SMAD1: variants seen among roughly 807,000 people sequenced by gnomAD.
The protein encoded by SMAD1 is SMAD family member 1.
Under a neutral mutation model 41.6 loss-of-function variants are expected in SMAD1, and 6 were observed. The ratio of observed to expected loss-of-function variants is 0.14; its 90% CI spans 0.08 to 0.28. The LOEUF (loss-of-function observed/expected upper bound fraction) is 0.28. SMAD1 is among the 10% of genes least tolerant of loss of function. SMAD1 has a pLI of 1.00. For synonymous variants in SMAD1, 206 were observed against 203.2 expected (o/e 1.01, Z -0.12); for missense variants, 379 against 582.6 (o/e 0.65, Z 3.60).
intron 2 of SMAD1, 120 bp downstream of exon 2, chr4:145,515,133 ACTGT>A (rs1349949404): frequency 1.0e-4 from 75 of 729,264 alleles, no homozygotes; most frequent in Non-Finnish European, 1.4e-4. Context: ...ATTTGGGGAA[ACTGT>A]GTGTGTGTGT....
intron 4 of SMAD1, chr4:145,544,958 C>T (rs1732163437): frequency 6.6e-6 from 1 of 152,026 alleles, no homozygotes; most frequent in Non-Finnish European, 1.5e-5. Flanking sequence ...AGATTTTTTT[C>T]ATTTAAATAG....
chr4:145,553,190 C>T (rs1354270143), intron 5 of SMAD1, among the ~76,000 whole-genome samples: 3 of 151,422 alleles, frequency 2.0e-5, no homozygotes, highest in Admixed American at 6.6e-5. Flanking sequence ...AGATTACAGG[C>T]GTGAACAACT....
At chr4:145,486,017 C>G (rs1262147683) in intron 1 of SMAD1, among the ~76,000 whole-genome samples, 1 of 152,210 alleles carries the variant, frequency 6.6e-6, no homozygotes, top group Non-Finnish European at 1.5e-5. Flanking sequence ...GAAACTCCAT[C>G]TTAACTATGT....
Position 145,514,566 on chromosome 4 carries a change from G to T in SMAD1, c.-48G>T, listed in dbSNP as rs1730267968. ...CTTCTGCTGTCCTTTTGCATTTGGA[G>T]ACAGCTTTATTTCACCATATCCAAG... On this transcript the variant is annotated 5_prime_UTR_variant, in exon 2 of 7. Coordinates refer to ENST00000302085, the MANE Select transcript of SMAD1 (RefSeq NM_005900.3). This position sits in a 1 kb window ranked among gnomAD's most constrained non-coding sequence, Gnocchi z 4.7. The T allele has an allele frequency of 6.7e-7, 1 of 1,495,998 alleles. No individual in the cohort carries two copies. Among genetic ancestry groups the T allele is most frequent in the East Asian group, 2.3e-5 (1 of 44,020 alleles). 92.7% of individuals were successfully genotyped at this position (1,495,998 alleles called of 1,614,324 possible).
chr4:145,503,805 G>A (rs971526387), intron 1 of SMAD1: 3 of 152,154 alleles, frequency 2.0e-5, no homozygotes, highest in Admixed American at 6.5e-5. Context: ...TATCCCAAAG[G>A]TGTGCACGTT....
At chr4:145,485,272 C>T (rs1728426099) in intron 1 of SMAD1, among the ~76,000 whole-genome samples, 7 of 152,122 alleles carry the variant, frequency 4.6e-5, no homozygotes, top group Admixed American at 4.6e-4. Flanking sequence ...GACAGGGTTT[C>T]GTCATGTTGC....
Position 145,558,069 on chromosome 4 carries a change from G to C in SMAD1, c.*135G>C. On this transcript the variant is annotated 3_prime_UTR_variant, in exon 7 of 7. Coordinates refer to ENST00000302085, the MANE Select transcript of SMAD1 (RefSeq NM_005900.3). Reference sequence around the variant, plus strand: ...CCTCTGTGACCAACTGTTGGATTCAGAAATTTAAACAAAAAAAAAAAAAAA... The same window carrying C: ...CCTCTGTGACCAACTGTTGGATTCACAAATTTAAACAAAAAAAAAAAAAAA... The C allele has an allele frequency of 2.0e-5, 6 of 305,690 alleles. No homozygotes were observed. Among genetic ancestry groups the C allele is most frequent in the Non-Finnish European group, 2.3e-5 (4 of 176,276 alleles). 18.9% of individuals were successfully genotyped at this position (305,690 alleles called of 1,614,324 possible).
intron 1 of SMAD1, among the ~76,000 whole-genome samples, chr4:145,498,358 T>C (rs1412821107): frequency 1.3e-5 from 2 of 152,264 alleles, no homozygotes; most frequent in Non-Finnish European, 2.9e-5. Flanking sequence ...TTTACCAGAA[T>C]ACATTTCTCT....
At chr4:145,555,206 A>G (rs1221152313) in intron 6 of SMAD1, among the ~76,000 whole-genome samples, 1 of 152,226 alleles carries the variant, frequency 6.6e-6, no homozygotes, top group Non-Finnish European at 1.5e-5. Flanking sequence ...CCTATATGTT[A>G]TGTACATATG....
chr4:145,495,146 A>T (rs994536796), intron 1 of SMAD1, among the ~76,000 whole-genome samples: 1 of 152,142 alleles, frequency 6.6e-6, no homozygotes, highest in African/African-American at 2.4e-5. Flanking sequence ...AGGGTTGCAA[A>T]TAGCTTCTAG....
intron 4 of SMAD1, chr4:145,545,297 A>G (rs746294688): frequency 3.9e-5 from 6 of 152,252 alleles, no homozygotes; most frequent in Non-Finnish European, 8.8e-5. Flanking sequence ...GAAAAAATTC[A>G]TCAACCTCTG....
At chr4:145,508,312 C>A (rs977937021) in intron 1 of SMAD1, among the ~76,000 whole-genome samples, 1 of 151,652 alleles carries the variant, frequency 6.6e-6, no homozygotes, top group Non-Finnish European at 1.5e-5. Flanking sequence ...TTGGAACAAG[C>A]CATTTGGAAA....
rs1293092877 is a variant in SMAD1, at chr4:145,548,237, A to AT, written c.997+1322dup. 4.0e-4 allele frequency among the ~76,000 whole-genome samples: 60 copies of AT among 150,006 alleles called. No homozygotes were observed. In the East Asian group the frequency reaches 6.4e-3, roughly 16 times the overall value. Reference sequence around the variant, plus strand: ...TTATTTATTTATTTATTTATATTTTATTTTTTTTTGAGACGGAGTCTCCCT... The same window carrying AT: ...TTATTTATTTATTTATTTATATTTTATTTTTTTTTTGAGACGGAGTCTCCCT... On this transcript the variant is annotated intron_variant, in intron 5 of 6. Coordinates refer to ENST00000302085, the MANE Select transcript of SMAD1 (RefSeq NM_005900.3).
intron 2 of SMAD1, among the ~76,000 whole-genome samples, chr4:145,531,849 A>G (rs1333396280): frequency 6.6e-6 from 1 of 151,076 alleles, no homozygotes; most frequent in African/African-American, 2.4e-5. Flanking sequence ...TGTTACTTCT[A>G]TATGGGCAAA....
intron 4 of SMAD1, among the ~76,000 whole-genome samples, 191 bp downstream of exon 4, chr4:145,542,889 T>A (rs1447362370): frequency 6.6e-6 from 1 of 152,254 alleles, no homozygotes; most frequent in Non-Finnish European, 1.5e-5. Context: ...ATACACTGAC[T>A]TAACTAATGA....
chr4:145,545,103 G>T (rs893379126), intron 4 of SMAD1: 1 of 151,886 alleles, frequency 6.6e-6, no homozygotes, highest in Admixed American at 6.6e-5. Flanking sequence ...TAGAGCAGGG[G>T]TGAACAAACT....
At position 145,518,601 on chromosome 4, in the gene SMAD1, A is replaced by G. The variant is rs539315166; in HGVS notation, c.400+3588A>G. 1.6e-5 allele frequency among the ~76,000 whole-genome samples: 2 copies of G among 126,448 alleles called. 1 individual carries two copies. The highest frequency in any genetic ancestry group is 3.9e-5 in the Non-Finnish European group (2 of 51,318). The allele number at this position is 126,448 out of a possible 152,430, so 83.0% of individuals were successfully genotyped here. A position where few individuals can be genotyped will look rare whatever the true frequency, so the allele number is the denominator to read the frequency against. On this transcript the variant is annotated intron_variant, in intron 2 of 6. Transcript: ENST00000302085. The stretch of plus-strand genomic sequence containing the variant: ...CTGGGTATTGTTTTTGTGAAATCAG[A>G]AAAAGGGGGTCTGGAATTCTAAGCT...
intron 1 of SMAD1, among the ~76,000 whole-genome samples, chr4:145,501,433 T>C (rs1729429648): frequency 6.6e-6 from 1 of 152,224 alleles, no homozygotes; most frequent in South Asian, 2.1e-4. Context: ...ATGGATGTGT[T>C]TCCCTTCTAG....
chr4:145,507,259 G>A (rs1421691476), intron 1 of SMAD1, among the ~76,000 whole-genome samples: 1 of 151,218 alleles, frequency 6.6e-6, no homozygotes, highest in Non-Finnish European at 1.5e-5. Context: ...ATTAAAGAAC[G>A]TTTGAAAAGT....
Sources: gnomAD v4.1 joint callset for allele counts (sites outside exome capture counted in the v4.1 genomes callset) on GRCh38, gnomAD v4.1.1 for gene constraint, Gnocchi (gnomAD v3.1) non-coding constraint, MANE v1.5 for transcripts, NCBI Gene and HGNC (gene_info 2026-07-23, HGNC 2026-07-21) for gene names.